Variants in NOS2 observed in about 807,000 individuals in gnomAD.
NOS2 encodes the protein nitric oxide synthase, inducible.
In NOS2, 96 loss-of-function variants were observed where a neutral mutation model predicts 136.0. The ratio of observed to expected loss-of-function variants is 0.71; its 90% CI spans 0.60 to 0.84. The LOEUF (loss-of-function observed/expected upper bound fraction) is 0.84, where lower values mean the gene tolerates loss of function less well. Ranked by LOEUF, NOS2 falls within the 40% of genes least tolerant of loss-of-function variation. The pLI, the probability that NOS2 is intolerant of heterozygous loss-of-function variation, is 0.00. For synonymous variants in NOS2, 539 were observed against 587.5 expected (o/e 0.92, Z 1.20); for missense variants, 1,237 against 1,496.9 (o/e 0.83, Z 2.87).
chr17:27,788,077 C>T (rs555223514), intron 4 of NOS2, among the ~76,000 whole-genome samples: 32 of 152,244 alleles, frequency 2.1e-4, no homozygotes, highest in African/African-American at 7.7e-4. Context: ...AGTCTCTGGC[C>T]CTGCTCCCCA....
chr17:27,763,738 G>A (rs1908210190), intron 21 of NOS2, among the ~76,000 whole-genome samples: 1 of 151,826 alleles, frequency 6.6e-6, no homozygotes, highest in Non-Finnish European at 1.5e-5. Flanking sequence ...TCTAGCTAAT[G>A]TTCAAGGCAG....
In NOS2 at chr17:27,789,628, C is replaced by T. The variant is rs773527134; in HGVS notation, c.171G>A (p.Pro57=). The part of the protein sequence containing the change: ...HNLSKQQNES[P]QPLVETGKKS... ...CCTTTCCCGTCTCCACGAGGGGCTG[C>T]GGGGACTCATTCTGCTGCTTGCTGA... is the stretch of plus-strand genomic sequence containing the variant. Residue 57 remains proline, a synonymous_variant, in exon 3 of 27, where the codon CCG becomes CCA. Transcript: ENST00000313735. The T allele has an allele frequency of 4.3e-6, 7 of 1,613,736 alleles. No homozygotes were observed. The highest frequency in any genetic ancestry group is 3.3e-5 in the Admixed American group (2 of 60,002).
At chr17:27,784,127 C>A (rs546223082) in intron 5 of NOS2, among the ~76,000 whole-genome samples, 3 of 141,484 alleles carry the variant, frequency 2.1e-5, no homozygotes, top group African/African-American at 8.0e-5. Context: ...GTCAGAAAGG[C>A]TTTGAAACAC....
chr17:27,799,171 C>G (rs1293191731), intron 1 of NOS2, among the ~76,000 whole-genome samples: 1 of 152,152 alleles, frequency 6.6e-6, no homozygotes, highest in African/African-American at 2.4e-5. Flanking sequence ...TTAGCGGGAC[C>G]TGCTGGCCCA....
chr17:27,796,820 C>T (rs991855857), intron 2 of NOS2, among the ~76,000 whole-genome samples: 1 of 152,190 alleles, frequency 6.6e-6, no homozygotes, highest in African/African-American at 2.4e-5. Context: ...TGCCCCTCTA[C>T]AGCCCTTAGA....
chr17:27,758,356 G>C (rs770781633), intron 26 of NOS2, among the ~76,000 whole-genome samples: 9 of 152,126 alleles, frequency 5.9e-5, no homozygotes, highest in Admixed American at 1.3e-4. Context: ...TCCTCGGCAG[G>C]ACTGAATGAA....
At chr17:27,778,654 CA>C in intron 11 of NOS2, 35 bp downstream of exon 11, 1 of 1,551,898 alleles carries the variant, frequency 6.4e-7, no homozygotes. Context: ...AGCTTCTCAC[CA>C]AAAAGTCTTC....
At position 27,781,305 on chromosome 17, in the gene NOS2, G is replaced by A. The variant is rs187653581; in HGVS notation, c.723-128C>T. On this transcript the variant is annotated intron_variant, in intron 7 of 26. Coordinates refer to ENST00000313735, the MANE Select transcript of NOS2 (RefSeq NM_000625.4). ...CCCTGATCCCAAGCTGACTGAGCCA[G>A]CCTCCTGACATGCCTTCTCCTGCTG... is the stretch of plus-strand genomic sequence containing the variant. The A allele has an allele frequency of 8.3e-5, 89 of 1,078,248 alleles. No individual in the cohort carries two copies. The East Asian group carries it at 2.2e-3, about 26-fold the overall frequency. 66.8% of individuals were successfully genotyped at this position (1,078,248 alleles called of 1,614,324 possible).
intron 5 of NOS2, among the ~76,000 whole-genome samples, chr17:27,786,351 G>A (rs923501971): frequency 2.0e-5 from 3 of 151,528 alleles, no homozygotes; most frequent in Admixed American, 6.6e-5. Context: ...GCTTAAACCC[G>A]GGAGGCAGAG....
intron 2 of NOS2, among the ~76,000 whole-genome samples, chr17:27,792,056 G>A (rs1446231295): frequency 1.3e-5 from 2 of 152,188 alleles, no homozygotes; most frequent in African/African-American, 4.8e-5. Context: ...CTACAGTACT[G>A]TTTAGATTGA....
chr17:27,791,693 C>T (rs982639278), intron 2 of NOS2, among the ~76,000 whole-genome samples: 1 of 150,654 alleles, frequency 6.6e-6, no homozygotes, highest in African/African-American at 2.4e-5. Context: ...ATAAAGACTT[C>T]CATACTGTTC....
intron 7 of NOS2, 82 bp from the exon 8 acceptor site, chr17:27,781,259 C>T (rs1908838973): frequency 2.8e-6 from 4 of 1,452,326 alleles, no homozygotes; most frequent in East Asian, 2.3e-5. Context: ...ACCTCCCTCT[C>T]CACCCTACCT....
At chr17:27,774,542 G>A in intron 11 of NOS2, 91 bp from the exon 12 acceptor site, 1 of 965,710 alleles carries the variant, frequency 1.0e-6, no homozygotes, top group Non-Finnish European at 1.4e-6. Context: ...AGAGTGCCTG[G>A]GAAGGCCTGG....
intron 2 of NOS2, among the ~76,000 whole-genome samples, chr17:27,794,905 C>A (rs1007225031): frequency 2.6e-5 from 4 of 152,180 alleles, no homozygotes; most frequent in African/African-American, 9.7e-5. Context: ...CCCCTTTGCA[C>A]GGCTGCTTCC....
rs1908754118 is a variant in NOS2 at position 27,779,013 on chromosome 17, G to C, written c.1048C>G (p.Pro350Ala). ...RELELKWYAL[P>A]AVANMLLEVG... ...TCAAGCAGCATGTTGGCCACTGCAG[G>C]CAGGGCGTACCACTTTAGCTCCAGT... Residue 350 changes from proline (P) to alanine (A), a missense_variant, in exon 10 of 27, where the codon CCT becomes GCT. By Grantham distance (27) the Pro-to-Ala change is conservative. Around this residue, in one of 3 missense-constraint regions of NOS2, gnomAD observed 440 missense variants for 545.4 expected, o/e 0.81. Transcript: ENST00000313735. 1 of 1,606,252 alleles carries C rather than the reference G, an allele frequency of 6.2e-7. No individual in the cohort carries two copies. Among genetic ancestry groups the C allele is most frequent in the Non-Finnish European group, 8.5e-7 (1 of 1,175,162 alleles).
At chr17:27,794,247 T>C (rs1197927953) in intron 2 of NOS2, among the ~76,000 whole-genome samples, 1 of 152,134 alleles carries the variant, frequency 6.6e-6, no homozygotes, top group African/African-American at 2.4e-5. Flanking sequence ...AAGTGTTATA[T>C]TACTTGTTAC....
intron 1 of NOS2, 105 bp from the exon 2 acceptor site, chr17:27,798,987 A>T: frequency 1.7e-6 from 1 of 600,250 alleles, no homozygotes; most frequent in Non-Finnish European, 3.0e-6. Context: ...CGCCAGCATG[A>T]GCCCCTTCAT....
chr17:27,768,940 T>C lies in NOS2; in HGVS notation c.2034+37A>G, dbSNP rs199523999. 522 of 1,552,048 alleles carry C rather than the reference T, an allele frequency of 3.4e-4. 2 individuals carry two copies. Among genetic ancestry groups the C allele is most frequent in the Non-Finnish European group, 4.2e-4 (487 of 1,149,090 alleles). ...TCCTAGGCATGAATGCACCCTGTCA[T>C]GTCCCTGCTGTGGGGCAGCTCTGGC... On this transcript the variant is annotated intron_variant, in intron 17 of 26. Transcript: ENST00000313735.
chr17:27,798,783 GA>G lies in NOS2; in HGVS notation c.26del (p.Phe9SerfsTer10), dbSNP rs1359371535. On this transcript the variant is annotated frameshift_variant, in exon 2 of 27. Coordinates refer to ENST00000313735, the MANE Select transcript of NOS2 (RefSeq NM_000625.4). LOFTEE classifies it high-confidence loss of function. ...TTGCATACTGGTGGAATTTGGTCTT[GA>G]ACAGAAATTTCCAAGGACAGGCCAT... MACPWKFL[F>X]KTKFHQYAMN... 3 of 1,613,458 alleles carry G rather than the reference GA, an allele frequency of 1.9e-6. No individual in the cohort carries two copies. The highest frequency in any genetic ancestry group is 2.5e-6 in the Non-Finnish European group (3 of 1,179,366).
Sources: gnomAD v4.1 joint callset for allele counts (sites outside exome capture counted in the v4.1 genomes callset) on GRCh38, gnomAD v4.1.1 for gene constraint, gnomAD v4.1.1 regional missense constraint, MANE v1.5 for transcripts, NCBI Gene and HGNC (gene_info 2026-07-23, HGNC 2026-07-21) for gene names.